The following ABCB5 variants were observed in gnomAD, a reference collection of about 807,000 sequenced individuals.
ABCB5 encodes ATP-binding cassette sub-family B member 5.
ABCB5 carries 155 observed loss-of-function variants against 144.2 expected under a neutral mutation model. That is an observed-to-expected ratio of 1.08 (90% confidence interval 0.94 to 1.23). The LOEUF is 1.23. Among genes scored for constraint, ABCB5 ranks in the 50% most tolerant of loss-of-function variants. ABCB5 has a pLI of 0.00. For missense variants in ABCB5, 1,830 were observed against 1,520.8 expected (o/e 1.20, Z -3.38); for synonymous variants, 610 against 528.6 (o/e 1.15, Z -2.11).
chr7:20,749,218 C>T (rs59749453), intron 26 of ABCB5, among the ~76,000 whole-genome samples: 2,037 of 138,572 alleles, frequency 0.015, 57 homozygotes, highest in African/African-American at 0.042. Flanking sequence ...CCCTCCCTCC[C>T]CCTCTCTCTC....
intron 20 of ABCB5, among the ~76,000 whole-genome samples, chr7:20,710,367 CA>C (rs144865719): frequency 0.019 from 662 of 35,126 alleles, 18 homozygotes; most frequent in African/African-American, 0.084. Context: ...AACTCCACCT[CA>C]AAAAAAAAAA....
chr7:20,755,322 C>A, intron 27 of ABCB5, 105 bp from the exon 28 acceptor site: 1 of 947,754 alleles, frequency 1.1e-6, no homozygotes, highest in Non-Finnish European at 1.6e-6. Context: ...TGGGGACAAG[C>A]AAATAAAGCA....
intron 14 of ABCB5, among the ~76,000 whole-genome samples, chr7:20,681,072 C>A (rs1164795261): frequency 2.2e-4 from 3 of 13,714 alleles, no homozygotes; most frequent in East Asian, 0.012. Flanking sequence ...TTCTTTCTTT[C>A]TTTCTTTCTT....
chr7:20,698,432 T>A lies in ABCB5; in HGVS notation c.2036T>A (p.Leu679Ter), dbSNP rs766269026. 3.2e-6 allele frequency: 5 copies of A among 1,581,574 alleles called. No homozygotes were observed. Among genetic ancestry groups the A allele is most frequent in the Non-Finnish European group, 3.4e-6 (4 of 1,170,538 alleles). ...KEISLPEVSLLKILKLNKPEW... is the reference protein window; with the variant it reads ...KEISLPEVSL ...ATAAGTCTTCCTGAAGTCTCTCTAT[T>A]AAAAATTTTAAAGTTAAACAAGCCT... The change falls in exon 17 of 28, where the codon TTA (leucine) becomes TAA (stop). Residue 679 changes from leucine to a stop codon, truncating the protein, a stop_gained. Coordinates refer to ENST00000404938, the MANE Select transcript of ABCB5 (RefSeq NM_001163941.2). LOFTEE classifies it high-confidence loss of function.
chr7:20,628,974 T>C, intron 4 of ABCB5, 136 bp downstream of exon 4: 2 of 1,015,238 alleles, frequency 2.0e-6, no homozygotes, highest in Non-Finnish European at 2.7e-6. Flanking sequence ...TCATTTATTC[T>C]GCCATATTGC....
At chr7:20,735,668 G>T (rs1166031490) in intron 23 of ABCB5, among the ~76,000 whole-genome samples, 2 of 152,260 alleles carry the variant, frequency 1.3e-5, no homozygotes, top group East Asian at 3.9e-4. Context: ...TGATATCTAG[G>T]GCCTTCAGAA....
intron 20 of ABCB5, among the ~76,000 whole-genome samples, chr7:20,716,135 C>A (rs1027700971): frequency 1.5e-4 from 23 of 152,196 alleles, no homozygotes; most frequent in African/African-American, 5.1e-4. Context: ...AGAATAACTG[C>A]CCCAGTGGAT....
intron 26 of ABCB5, among the ~76,000 whole-genome samples, chr7:20,749,191 C>T (rs938818796): frequency 7.3e-6 from 1 of 137,372 alleles, no homozygotes; most frequent in Non-Finnish European, 1.6e-5. Flanking sequence ...TTCCTTCCTT[C>T]CTCCCTTCCC....
At chr7:20,750,877 G>GACAGAAGTGGAAGCAAC (rs1782902920) in intron 26 of ABCB5, among the ~76,000 whole-genome samples, 1 of 152,150 alleles carries the variant, frequency 6.6e-6, no homozygotes, top group Non-Finnish European at 1.5e-5. Flanking sequence ...TGGGGCATAG[G>GACAGAAGTGGAAGCAAC]ACAGAAGTGG....
intron 14 of ABCB5, among the ~76,000 whole-genome samples, chr7:20,669,077 C>T (rs1391430636): frequency 2.7e-5 from 4 of 150,932 alleles, no homozygotes; most frequent in African/African-American, 9.8e-5. Flanking sequence ...TCTGCCTGGC[C>T]AGCCGCCCCG....
intron 15 of ABCB5, among the ~76,000 whole-genome samples, chr7:20,684,871 T>C (rs1326186028): frequency 6.6e-6 from 1 of 152,200 alleles, no homozygotes; most frequent in Non-Finnish European, 1.5e-5. Context: ...TTTCCATCTC[T>C]TCCCCACGTT....
chr7:20,747,711 C>G (rs2128056676), intron 26 of ABCB5, among the ~76,000 whole-genome samples: 1 of 152,228 alleles, frequency 6.6e-6, no homozygotes, highest in Non-Finnish European at 1.5e-5. Context: ...AACATTTTTT[C>G]TAAAAGACTA....
intron 19 of ABCB5, among the ~76,000 whole-genome samples, chr7:20,700,930 A>C (rs1786598447): frequency 6.6e-6 from 1 of 152,194 alleles, no homozygotes; most frequent in Non-Finnish European, 1.5e-5. Context: ...GAGTCGTCAA[A>C]ACCCATTTTT....
chr7:20,700,036 T>A, intron 18 of ABCB5, 22 bp from the exon 19 acceptor site: 1 of 1,610,752 alleles, frequency 6.2e-7, no homozygotes, highest in Non-Finnish European at 8.5e-7. Context: ...AGAACGTAGA[T>A]TTTTGTTTGT....
intron 20 of ABCB5, among the ~76,000 whole-genome samples, chr7:20,720,489 G>A (rs898062097): frequency 1.6e-4 from 24 of 152,080 alleles, no homozygotes; most frequent in Admixed American, 6.5e-5. Context: ...TCAAAACTGC[G>A]TGCCACTTGA....
At chr7:20,645,498 A>T (rs3922365) in intron 7 of ABCB5, among the ~76,000 whole-genome samples, 1,890 of 152,324 alleles carry the variant, frequency 0.012, 37 homozygotes, top group African/African-American at 0.042. Context: ...TTGTAAAAGG[A>T]TTATTAAATG....
chr7:20,745,522 A>G, intron 26 of ABCB5, 84 bp downstream of exon 26: 2 of 1,171,096 alleles, frequency 1.7e-6, no homozygotes, highest in African/African-American at 1.5e-5. Flanking sequence ...GTTTTTATGT[A>G]TTCCTTGGAT....
chr7:20,720,944 A>G (rs993207921), intron 20 of ABCB5, among the ~76,000 whole-genome samples: 5 of 15,838 alleles, frequency 3.2e-4, no homozygotes, highest in Non-Finnish European at 5.6e-4. Flanking sequence ...ACTCTGCCTC[A>G]AAAAAAAAAA....
intron 14 of ABCB5, among the ~76,000 whole-genome samples, chr7:20,676,790 A>G (rs1473314718): frequency 6.6e-6 from 1 of 152,164 alleles, no homozygotes; most frequent in African/African-American, 2.4e-5. Context: ...AATAACTCTA[A>G]AATAGAGGTA....
Sources: allele counts gnomAD v4.1 joint callset (sites outside exome capture counted in the v4.1 genomes callset), GRCh38; gene constraint gnomAD v4.1.1; transcripts MANE v1.5; gene names NCBI Gene and HGNC (gene_info 2026-07-23, HGNC 2026-07-21).